WDFY4: variants seen among roughly 807,000 people sequenced by gnomAD.
WDFY4 encodes WDFY family member 4.
In WDFY4, 169 loss-of-function variants were observed where a neutral mutation model predicts 351.9. The ratio of observed to expected loss-of-function variants is 0.48; its 90% CI spans 0.42 to 0.55. WDFY4 has a LOEUF of 0.55. Among genes scored for constraint, WDFY4 ranks in the 20% least tolerant of loss-of-function variants. The pLI, the probability that WDFY4 is intolerant of heterozygous loss-of-function variation, is 0.00. For synonymous variants in WDFY4, 1,622 were observed against 1,574.6 expected (o/e 1.03, Z -0.71); for missense variants, 3,803 against 3,935.6 (o/e 0.97, Z 0.90).
At chr10:48,829,283 C>T (rs2068109980) in intron 37 of WDFY4, among the ~76,000 whole-genome samples, 1 of 152,142 alleles carries the variant, frequency 6.6e-6, no homozygotes, top group Admixed American at 6.5e-5. Flanking sequence ...CAAGCCATTA[C>T]CTAGTTGCTG....
intron 15 of WDFY4, 95 bp from the exon 16 acceptor site, chr10:48,776,651 CTCTT>C: frequency 8.1e-7 from 1 of 1,231,848 alleles, no homozygotes; most frequent in South Asian, 1.6e-5. Context: ...GTGCGAAACT[CTCTT>C]TCTGGGCTGC....
intron 35 of WDFY4, among the ~76,000 whole-genome samples, chr10:48,825,222 G>C (rs1422500802): frequency 2.0e-5 from 3 of 152,100 alleles, no homozygotes; most frequent in Non-Finnish European, 1.5e-5. Context: ...TTAGTTTTTT[G>C]TTCTTGTGTT....
At chr10:48,764,250 G>A (rs2065599326) in intron 13 of WDFY4, among the ~76,000 whole-genome samples, 1 of 152,168 alleles carries the variant, frequency 6.6e-6, no homozygotes, top group Admixed American at 6.5e-5. Context: ...CATTTGTTCT[G>A]TGGTCCTTTC....
chr10:48,897,856 A>G (rs1315710939), intron 45 of WDFY4, among the ~76,000 whole-genome samples: 1 of 152,232 alleles, frequency 6.6e-6, no homozygotes, highest in African/African-American at 2.4e-5. Flanking sequence ...TGCTCTTGAC[A>G]CAGCCCAGAG....
At chr10:48,823,311 T>C in intron 35 of WDFY4, 1 of 1,284,452 alleles carries the variant, frequency 7.8e-7, no homozygotes, top group Non-Finnish European at 1.0e-6. Context: ...CTGTGATTCT[T>C]GGAAAGAACT....
chr10:48,810,489 C>A, intron 28 of WDFY4, 41 bp from the exon 29 acceptor site: 1 of 1,532,532 alleles, frequency 6.5e-7, no homozygotes, highest in South Asian at 1.2e-5. Context: ...GTCACTCGCT[C>A]ATGGACTGAG....
At chr10:48,868,170 T>A (rs1216860954) in intron 40 of WDFY4, among the ~76,000 whole-genome samples, 1 of 152,212 alleles carries the variant, frequency 6.6e-6, no homozygotes, top group Non-Finnish European at 1.5e-5. Context: ...TTGCCTTGTC[T>A]AGTTTCCCCC....
At chr10:48,776,656 T>C in intron 15 of WDFY4, 94 bp from the exon 16 acceptor site, 4 of 1,256,430 alleles carry the variant, frequency 3.2e-6, no homozygotes, top group Non-Finnish European at 3.2e-6. Flanking sequence ...AAACTCTCTT[T>C]CTGGGCTGCG....
At chr10:48,741,215 T>G (rs2064839356) in intron 11 of WDFY4, among the ~76,000 whole-genome samples, 1 of 152,140 alleles carries the variant, frequency 6.6e-6, no homozygotes, top group South Asian at 2.1e-4. Context: ...GCCCAGCAGC[T>G]CAGGTTTCCT....
intron 35 of WDFY4, chr10:48,823,421 A>G: frequency 8.3e-7 from 1 of 1,202,834 alleles, no homozygotes; most frequent in Admixed American, 3.5e-5. Context: ...CTTCCTCTTC[A>G]CATCTCATAG....
In WDFY4 at chr10:48,970,276, T is replaced by C; in HGVS notation, c.8915T>C (p.Leu2972Ser). ...ATGACCAAAGGCCGCCCGAGGGGCT[T>C]GCGCCTCCGGCAGGTATGGTCCAGC... is the stretch of plus-strand genomic sequence containing the variant. ...LSMTKGRPRG[L>S]RLRQALYGHT... The change falls in exon 57 of 62, where the codon TTG becomes TCG. Residue 2972 changes from leucine to serine, a missense_variant. Physicochemically the swap from Leu to Ser is moderately radical, Grantham distance 145. This residue lies in a region of WDFY4 where 3,054 missense variants were observed against 3,148.6 expected (regional missense o/e 0.97). Coordinates refer to ENST00000325239, the MANE Select transcript of WDFY4 (RefSeq NM_001394531.1). 1.4e-5 allele frequency: 22 copies of C among 1,550,970 alleles called. No homozygotes were observed. Among genetic ancestry groups the C allele is most frequent in the Non-Finnish European group, 1.9e-5 (22 of 1,146,988 alleles).
At chr10:48,925,772 G>A (rs925769693) in intron 47 of WDFY4, among the ~76,000 whole-genome samples, 3 of 152,052 alleles carry the variant, frequency 2.0e-5, no homozygotes, top group Non-Finnish European at 2.9e-5. Context: ...ACAGTTTGGG[G>A]GGATTTCTGA....
chr10:48,796,434 T>A lies in WDFY4; in HGVS notation c.4394T>A (p.Ile1465Asn). ...AITNTGVFQHILCNFELWMNT... is the reference protein window; with the variant it reads ...AITNTGVFQHNLCNFELWMNT... ...ACCAACACTGGTGTCTTCCAGCACA[T>A]CCTCTGCAATTTCGAGGTAAATCAG... The change falls in exon 24 of 62, where the codon ATC becomes AAC. Residue 1465 changes from isoleucine to asparagine, a missense_variant. Transcript: ENST00000325239. 6.4e-7 allele frequency: 1 copy of A among 1,551,478 alleles called. No homozygotes were observed. Among genetic ancestry groups the A allele is most frequent in the Non-Finnish European group, 8.7e-7 (1 of 1,147,020 alleles).
chr10:48,765,676 G>A (rs1051971687), intron 13 of WDFY4, among the ~76,000 whole-genome samples: 1 of 152,192 alleles, frequency 6.6e-6, no homozygotes, highest in African/African-American at 2.4e-5. Flanking sequence ...GTGAGTGTAC[G>A]TGCCTGACCT....
chr10:48,712,678 C>A (rs1217004668), intron 2 of WDFY4, among the ~76,000 whole-genome samples: 3 of 152,166 alleles, frequency 2.0e-5, no homozygotes. Context: ...CAGATCAAAT[C>A]TAACCTGAGA....
chr10:48,921,606 GA>G (rs59850855), intron 47 of WDFY4, among the ~76,000 whole-genome samples: 77,301 of 151,358 alleles, frequency 0.51, 20,430 homozygotes, highest in East Asian at 0.61. Context: ...AAGCTCTGTG[GA>G]AAAAAAAAAC....
chr10:48,881,362 G>A (rs1487175077), intron 43 of WDFY4, among the ~76,000 whole-genome samples: 1 of 152,230 alleles, frequency 6.6e-6, no homozygotes, highest in Non-Finnish European at 1.5e-5. Context: ...TGTGGGGAGT[G>A]CTTGGATAGA....
At position 48,779,242 on chromosome 10, in the gene WDFY4, C is replaced by T. The variant is rs141989164; in HGVS notation, c.3397+410C>T. 9.5e-4 allele frequency among the ~76,000 whole-genome samples: 144 copies of T among 152,314 alleles called. 1 individual carries two copies. Among genetic ancestry groups the T allele is most frequent in the Non-Finnish European group, 1.6e-3 (110 of 68,022 alleles). ...GCCGAAGCAGCTACAGACATATAGG[C>T]GCTCCCACATATGCTCAACCCCAAA... On this transcript the variant is annotated intron_variant, in intron 18 of 61. Transcript: ENST00000325239.
intron 51 of WDFY4, among the ~76,000 whole-genome samples, chr10:48,948,092 G>A (rs866810305): frequency 3.9e-5 from 6 of 152,148 alleles, no homozygotes; most frequent in Admixed American, 1.3e-4. Flanking sequence ...CTGAGCCCTG[G>A]GGCAGGAATG....
Sources: gnomAD v4.1 joint callset for allele counts (sites outside exome capture counted in the v4.1 genomes callset) on GRCh38, gnomAD v4.1.1 for gene constraint, gnomAD v4.1.1 regional missense constraint, MANE v1.5 for transcripts, NCBI Gene and HGNC (gene_info 2026-07-23, HGNC 2026-07-21) for gene names.